The following LRRC1 variants were observed in gnomAD, a reference collection of about 807,000 sequenced individuals.
LRRC1 encodes leucine rich repeat containing 1.
Under a neutral mutation model 69.9 loss-of-function variants are expected in LRRC1, and 28 were observed. The ratio of observed to expected loss-of-function variants is 0.40; its 90% CI spans 0.30 to 0.55. The LOEUF (loss-of-function observed/expected upper bound fraction) is 0.55, where lower values mean the gene tolerates loss of function less well. LRRC1 is among the 20% of genes least tolerant of loss of function. LRRC1 has a pLI of 0.47. For missense variants in LRRC1, 498 were observed against 609.0 expected (o/e 0.82, Z 1.92); for synonymous variants, 236 against 240.2 (o/e 0.98, Z 0.16).
At chr6:53,817,987 T>C in intron 1 of LRRC1, among the ~76,000 whole-genome samples, 1 of 152,244 alleles carries the variant, frequency 6.6e-6, no homozygotes, top group East Asian at 1.9e-4. Flanking sequence ...GCATTTTATG[T>C]TTTGCATGTG....
At chr6:53,818,501 C>T (rs142037776) in intron 1 of LRRC1, among the ~76,000 whole-genome samples, 2 of 152,268 alleles carry the variant, frequency 1.3e-5, no homozygotes, top group East Asian at 1.9e-4. Flanking sequence ...GCAGTCCTTA[C>T]AGAATTAAAT....
intron 9 of LRRC1, among the ~76,000 whole-genome samples, chr6:53,903,973 G>A (rs776578433): frequency 1.2e-4 from 19 of 152,180 alleles, no homozygotes; most frequent in Non-Finnish European, 2.1e-4. Flanking sequence ...ACCCTGCTTC[G>A]GGTGCTGATT....
chr6:53,803,453 A>G (rs1257311908), intron 1 of LRRC1, among the ~76,000 whole-genome samples: 1 of 152,152 alleles, frequency 6.6e-6, no homozygotes, highest in African/African-American at 2.4e-5. Flanking sequence ...CATGGGCCAG[A>G]TCTTCCTAAA....
chr6:53,820,909 G>A (rs1247537039), intron 1 of LRRC1, among the ~76,000 whole-genome samples: 2 of 152,092 alleles, frequency 1.3e-5, no homozygotes, highest in Non-Finnish European at 2.9e-5. Flanking sequence ...CACTTACTAT[G>A]GGAACACTAT....
chr6:53,852,720 T>G (rs920870260), intron 2 of LRRC1, among the ~76,000 whole-genome samples: 1 of 152,138 alleles, frequency 6.6e-6, no homozygotes, highest in Non-Finnish European at 1.5e-5. Context: ...ATGGACAGTG[T>G]ATAGACTAGT....
chr6:53,796,996 T>G (rs1283667991), intron 1 of LRRC1, among the ~76,000 whole-genome samples: 1 of 152,212 alleles, frequency 6.6e-6, no homozygotes, highest in East Asian at 1.9e-4. Flanking sequence ...AGTGAAAAGT[T>G]ATTCACTAGA....
At chr6:53,873,101 T>G (rs1317778563) in intron 2 of LRRC1, among the ~76,000 whole-genome samples, 2 of 151,944 alleles carry the variant, frequency 1.3e-5, no homozygotes, top group Non-Finnish European at 1.5e-5. Context: ...TATCTTTCCA[T>G]TTATTTATAT....
At chr6:53,906,769 T>A (rs1317460135) in intron 10 of LRRC1, among the ~76,000 whole-genome samples, 1 of 152,254 alleles carries the variant, frequency 6.6e-6, no homozygotes, top group Non-Finnish European at 1.5e-5. Context: ...TGAGAAATTA[T>A]GATTGGTTTT....
rs983904152 is a variant in LRRC1, at chr6:53,919,350, G to A, written c.1107-148G>A. ...AATCCACTTGCAAAGAGTATGTTGC[G>A]TCTTAAAAACATAACACCGTTTTTA... is the stretch of plus-strand genomic sequence containing the variant. On this transcript the variant is annotated intron_variant, in intron 11 of 13. Coordinates refer to ENST00000370888, the MANE Select transcript of LRRC1 (RefSeq NM_018214.5). 13 of 597,100 alleles carry A rather than the reference G, an allele frequency of 2.2e-5. No homozygotes were observed. The Middle Eastern group carries it at 1.4e-3, about 64-fold the overall frequency. The allele number at this position is 597,100 out of a possible 1,614,324, so 37.0% of individuals were successfully genotyped here. A position where few individuals can be genotyped will look rare whatever the true frequency, so the allele number is the denominator to read the frequency against.
chr6:53,851,788 A>G (rs1766146690), intron 2 of LRRC1, among the ~76,000 whole-genome samples: 1 of 152,222 alleles, frequency 6.6e-6, no homozygotes, highest in Non-Finnish European at 1.5e-5. Flanking sequence ...ACATGTTTAT[A>G]GGAAACTCAG....
chr6:53,896,927 T>G, intron 6 of LRRC1, 35 bp downstream of exon 6: 3 of 1,353,908 alleles, frequency 2.2e-6, no homozygotes, highest in Non-Finnish European at 3.2e-6. Flanking sequence ...TTTAACTTTG[T>G]TTTTAGTTAT....
intron 1 of LRRC1, among the ~76,000 whole-genome samples, chr6:53,840,544 T>C (rs1316743092): frequency 6.6e-6 from 1 of 152,122 alleles, no homozygotes. Context: ...CCTGTATTTC[T>C]CTCTTTCAAC....
At chr6:53,795,491 T>A in intron 1 of LRRC1, 76 bp downstream of exon 1, 1 of 1,424,120 alleles carries the variant, frequency 7.0e-7, no homozygotes, top group Non-Finnish European at 9.3e-7. Flanking sequence ...TCTCGTCCCC[T>A]CTTCCATCTC....
At position 53,889,758 on chromosome 6, in the gene LRRC1, T is replaced by A. The variant is rs556921220; in HGVS notation, c.447-6740T>A. ...ATAAATATATTAAAGACCACCAAAC[T>A]GTACACTTTCAAAGGTGAATTTCAT... On this transcript the variant is annotated intron_variant, in intron 4 of 13. Transcript: ENST00000370888. Among the ~76,000 whole-genome samples the A allele has an allele frequency of 2.6e-5, 4 of 152,302 alleles. No homozygotes were observed. The South Asian group carries it at 8.3e-4, about 32-fold the overall frequency.
intron 2 of LRRC1, among the ~76,000 whole-genome samples, chr6:53,845,936 C>T (rs768531640): frequency 5.3e-5 from 8 of 152,168 alleles, no homozygotes; most frequent in Non-Finnish European, 1.2e-4. Flanking sequence ...CCTCAGGCAC[C>T]CCTGCACCCT....
Position 53,868,862 on chromosome 6 carries a change from A to C in LRRC1, c.278-10131A>C, listed in dbSNP as rs528269144. On this transcript the variant is annotated intron_variant, in intron 2 of 13. Transcript: ENST00000370888. ...ACCCTCTCATCACTGTGCATCAAAT[A>C]TCACATTCATGCCTGTGCTTCTCCT... Among the ~76,000 whole-genome samples, 35 of 152,330 alleles carry C rather than the reference A, an allele frequency of 2.3e-4. No homozygotes were observed. The South Asian group carries it at 6.8e-3, about 30-fold the overall frequency.
At chr6:53,851,291 T>C (rs575509070) in intron 2 of LRRC1, among the ~76,000 whole-genome samples, 1 of 152,208 alleles carries the variant, frequency 6.6e-6, no homozygotes, top group Admixed American at 6.5e-5. Context: ...AATTAATTCA[T>C]ATATTTCTGG....
At chr6:53,841,823 A>G (rs936732142) in intron 1 of LRRC1, among the ~76,000 whole-genome samples, 1 of 152,306 alleles carries the variant, frequency 6.6e-6, no homozygotes, top group East Asian at 1.9e-4. Context: ...TGGATAGCTT[A>G]AAGGAGTGAC....
chr6:53,886,572 T>C (rs1180051042), intron 4 of LRRC1, among the ~76,000 whole-genome samples: 1 of 152,234 alleles, frequency 6.6e-6, no homozygotes, highest in Non-Finnish European at 1.5e-5. Flanking sequence ...CATTTATTTT[T>C]GTGCATTTGT....
Sources: allele counts gnomAD v4.1 joint callset (sites outside exome capture counted in the v4.1 genomes callset), GRCh38; gene constraint gnomAD v4.1.1; transcripts MANE v1.5; gene names NCBI Gene and HGNC (gene_info 2026-07-23, HGNC 2026-07-21).